The following C6orf118 variants were observed in gnomAD, a reference collection of about 807,000 sequenced individuals.
The protein encoded by C6orf118 is chromosome 6 open reading frame 118.
In C6orf118, 50 loss-of-function variants were observed where a neutral mutation model predicts 50.2. The observed-to-expected ratio is 1.00, with a 90% confidence interval of 0.79 to 1.26. The LOEUF is 1.26. Among genes scored for constraint, C6orf118 ranks in the 50% most tolerant of loss-of-function variants. The pLI is 0.00. For synonymous variants in C6orf118, 239 were observed against 230.9 expected, an observed-to-expected ratio of 1.03 and a Z score of -0.32; for missense variants, 641 against 578.7, an observed-to-expected ratio of 1.11 and a Z score of -1.10.
At chr6:165,307,457 C>T (rs1017487180) in intron 1 of C6orf118, among the ~76,000 whole-genome samples, 3 of 151,574 alleles carry the variant, frequency 2.0e-5, no homozygotes, top group Admixed American at 1.3e-4. Flanking sequence ...TACTCAGAGG[C>T]GGAGGCACCA....
chr6:165,293,248 T>G, intron 6 of C6orf118, 165 bp downstream of exon 6: 1 of 714,138 alleles, frequency 1.4e-6, no homozygotes, highest in South Asian at 1.6e-5. Flanking sequence ...TGCCAGGCCC[T>G]GTGATCTTGG....
At chr6:165,296,631 G>C (rs1047985579) in intron 5 of C6orf118, among the ~76,000 whole-genome samples, 6 of 152,090 alleles carry the variant, frequency 3.9e-5, no homozygotes, top group Non-Finnish European at 8.8e-5. Flanking sequence ...TCCCGCTCTG[G>C]ACCCAAACAA....
intron 8 of C6orf118, chr6:165,281,396 A>G (rs2128156002): frequency 2.9e-6 from 2 of 683,960 alleles, no homozygotes; most frequent in Non-Finnish European, 4.1e-6. Context: ...TCAAAGGTCT[A>G]TCTAGTCTAA....
At chr6:165,296,402 A>T (rs1478167153) in intron 5 of C6orf118, among the ~76,000 whole-genome samples, 2 of 151,718 alleles carry the variant, frequency 1.3e-5, no homozygotes, top group Non-Finnish European at 2.9e-5. Context: ...GTCAGTTCAG[A>T]TATCTGCCTT....
rs567848733 is a variant in C6orf118 at position 165,286,861 on chromosome 6, G to C, written c.1302+3025C>G. 8.3e-3 allele frequency among the ~76,000 whole-genome samples: 1,260 copies of C among 152,124 alleles called. 11 individuals carry two copies. The highest frequency in any genetic ancestry group is 0.027 in the Middle Eastern group (8 of 294). ...CTGGAAGCATTCCTCTTTAAAACTG[G>C]CATGCACAAGATAAGAATGCCCTCG... is the stretch of plus-strand genomic sequence containing the variant. On this transcript the variant is annotated intron_variant, in intron 7 of 8. Transcript: ENST00000230301.
intron 7 of C6orf118, among the ~76,000 whole-genome samples, chr6:165,286,597 ACCC>A (rs934275814): frequency 6.6e-6 from 1 of 152,136 alleles, no homozygotes; most frequent in Non-Finnish European, 1.5e-5. Flanking sequence ...AGTTGCCTTC[ACCC>A]CCAAGATGCA....
chr6:165,299,217 G>A (rs749950780), intron 4 of C6orf118, among the ~76,000 whole-genome samples: 9 of 152,160 alleles, frequency 5.9e-5, no homozygotes, highest in Admixed American at 3.9e-4. Flanking sequence ...TAGTTATGTC[G>A]CTTGTTTGGG....
At chr6:165,294,581 G>A (rs1417848366) in intron 5 of C6orf118, among the ~76,000 whole-genome samples, 1 of 152,054 alleles carries the variant, frequency 6.6e-6, no homozygotes, top group Non-Finnish European at 1.5e-5. Context: ...TGGTTATTAT[G>A]ACCCTCAATT....
At chr6:165,291,420 C>T (rs781285911) in intron 6 of C6orf118, among the ~76,000 whole-genome samples, 2 of 152,070 alleles carry the variant, frequency 1.3e-5, no homozygotes, top group African/African-American at 4.8e-5. Flanking sequence ...TTATTTCAAG[C>T]TGTGTTGGAA....
chr6:165,307,521 G>A (rs1187629331), intron 1 of C6orf118, among the ~76,000 whole-genome samples: 1 of 150,872 alleles, frequency 6.6e-6, no homozygotes, highest in African/African-American at 2.4e-5. Context: ...TAGCACCACT[G>A]CACTCCAGCC....
rs372644467 is a variant in C6orf118 at position 165,297,450 on chromosome 6, G to A, written c.1061+527C>T. On this transcript the variant is annotated intron_variant, in intron 5 of 8. Transcript: ENST00000230301. ...ACAAATTGGAACAACAAATACAACA[G>A]TTCTCTGTCTTCTGGTTACACTAGA... 5.3e-5 allele frequency among the ~76,000 whole-genome samples: 8 copies of A among 149,872 alleles called. No homozygotes were observed. In the East Asian group the frequency reaches 1.4e-3, roughly 26 times the overall value.
chr6:165,300,213 G>T, intron 3 of C6orf118, 151 bp downstream of exon 3: 1 of 812,824 alleles, frequency 1.2e-6, no homozygotes, highest in Non-Finnish European at 1.8e-6. Context: ...CCTGCAGGCA[G>T]ATGACCTCGA....
chr6:165,301,211 C>T (rs1334350343), intron 2 of C6orf118, among the ~76,000 whole-genome samples: 3 of 152,128 alleles, frequency 2.0e-5, no homozygotes, highest in Admixed American at 6.5e-5. Flanking sequence ...TGGACGTATC[C>T]GGGAAGCCTC....
intron 7 of C6orf118, among the ~76,000 whole-genome samples, chr6:165,285,498 A>G (rs761768623): frequency 1.4e-4 from 21 of 152,186 alleles, no homozygotes; most frequent in Non-Finnish European, 2.2e-4. Context: ...CAGAATATGC[A>G]TTCTTCTCAG....
intron 6 of C6orf118, among the ~76,000 whole-genome samples, chr6:165,291,522 C>A (rs1167395674): frequency 6.6e-6 from 1 of 152,084 alleles, no homozygotes; most frequent in African/African-American, 2.4e-5. Flanking sequence ...TTGAAATAGC[C>A]AGGGGGATGC....
Position 165,302,314 on chromosome 6 carries a change from G to T in C6orf118, c.26-18C>A. The T allele has an allele frequency of 5.6e-6, 9 of 1,605,108 alleles. No homozygotes were observed. Among genetic ancestry groups the T allele is most frequent in the Non-Finnish European group, 7.6e-6 (9 of 1,178,042 alleles). ...CAGGTACACTGGTCAGAAAAGAAAA[G>T]GAGGCTCTTAGGGATCGCTCTTAGT... On this transcript the variant is annotated intron_variant, in intron 1 of 8. Transcript: ENST00000230301.
chr6:165,300,343 C>A (rs1420545980), intron 3 of C6orf118, 21 bp downstream of exon 3: 1 of 1,613,230 alleles, frequency 6.2e-7, no homozygotes, highest in Admixed American at 1.7e-5. Flanking sequence ...AACTGTTATG[C>A]TGAAGATGTA....
intron 2 of C6orf118, among the ~76,000 whole-genome samples, chr6:165,300,869 C>T (rs1221714935): frequency 6.6e-6 from 1 of 151,356 alleles, no homozygotes; most frequent in Non-Finnish European, 1.5e-5. Flanking sequence ...GGTGATGCCT[C>T]CAGTCAGCTG....
In C6orf118 at chr6:165,309,275, C is replaced by G. The variant is rs529556680; in HGVS notation, c.25+287G>C. On this transcript the variant is annotated intron_variant, in intron 1 of 8. Transcript: ENST00000230301. ...CTCCTCCTCCTCCTCTTCAGGCTTC[C>G]GGAGACTCCAACACACGGCGCGTCC... is the stretch of plus-strand genomic sequence containing the variant. Among the ~76,000 whole-genome samples the G allele has an allele frequency of 2.0e-5, 3 of 152,328 alleles. No homozygotes were observed. In the East Asian group the frequency reaches 5.8e-4, roughly 29 times the overall value.
Sources: gnomAD v4.1 joint callset for allele counts (sites outside exome capture counted in the v4.1 genomes callset) on GRCh38, gnomAD v4.1.1 for gene constraint, MANE v1.5 for transcripts, NCBI Gene and HGNC (gene_info 2026-07-23, HGNC 2026-07-21) for gene names.